The following TTC7A variants were observed in gnomAD, a reference collection of about 807,000 sequenced individuals.
The protein encoded by TTC7A is tetratricopeptide repeat protein 7A.
TTC7A carries 110 observed loss-of-function variants against 103.7 expected under a neutral mutation model. The observed-to-expected ratio is 1.06, with a 90% CI of 0.91 to 1.24. The LOEUF is 1.24. Ranked by LOEUF, TTC7A falls within the 50% of genes most tolerant of loss-of-function variation. TTC7A has a pLI of 0.00. For missense variants in TTC7A, 1,340 were observed against 1,116.3 expected (o/e 1.20, Z -2.86); for synonymous variants, 521 against 467.9 (o/e 1.11, Z -1.47).
intron 11 of TTC7A, among the ~76,000 whole-genome samples, chr2:47,012,228 G>A (rs1037807163): frequency 2.6e-5 from 4 of 152,246 alleles, no homozygotes; most frequent in African/African-American, 4.8e-5. Context: ...TATCTCTTCC[G>A]ACTGGGGGCC....
chr2:47,057,232 C>G (rs868746595), intron 18 of TTC7A, among the ~76,000 whole-genome samples: 4 of 152,236 alleles, frequency 2.6e-5, no homozygotes, highest in Non-Finnish European at 4.4e-5. Flanking sequence ...GAGGCTGGCC[C>G]TGCTGGGCAC....
chr2:46,927,137 T>C (rs13419141), intron 2 of TTC7A, among the ~76,000 whole-genome samples: 1 of 151,994 alleles, frequency 6.6e-6, no homozygotes, highest in Non-Finnish European at 1.5e-5. Flanking sequence ...TTGTATGTAG[T>C]TGGAGTCACA....
chr2:46,995,455 C>G (rs1676085629), intron 8 of TTC7A, among the ~76,000 whole-genome samples: 1 of 152,234 alleles, frequency 6.6e-6, no homozygotes, highest in Admixed American at 6.5e-5. Flanking sequence ...TAAGTCCCCA[C>G]CCACCTCTTT....
chr2:46,977,172 A>C (rs1318278763), intron 4 of TTC7A, among the ~76,000 whole-genome samples: 1 of 152,226 alleles, frequency 6.6e-6, no homozygotes, highest in Non-Finnish European at 1.5e-5. Flanking sequence ...CAAAGGTCTG[A>C]TGATGATGTC....
In TTC7A at chr2:47,029,236, A is replaced by G. The variant is rs777379249; in HGVS notation, c.1654A>G (p.Met552Val). ...GTTCCTTCAACAGATCTCCAGTGCC[A>G]TGGAGCAGCTGCAGGAGGCCCTGAA... ...LALVRQISSAMEQLQEALKVR... is the reference protein window; with the variant it reads ...LALVRQISSAVEQLQEALKVR... The change falls in exon 15 of 20, where the codon ATG becomes GTG. Residue 552 changes from methionine (M) to valine (V), a missense_variant. Transcript: ENST00000319190. The G allele has an allele frequency of 1.1e-5, 17 of 1,613,832 alleles. No homozygotes were observed. In the South Asian group the frequency reaches 1.8e-4, roughly 17 times the overall value.
intron 5 of TTC7A, among the ~76,000 whole-genome samples, chr2:46,993,203 G>A (rs555236242): frequency 4.7e-4 from 71 of 152,338 alleles, no homozygotes; most frequent in African/African-American, 1.6e-3. Flanking sequence ...GTGGTAAACC[G>A]GAAGCCCAAG....
At chr2:47,010,249 A>G (rs959506812) in intron 10 of TTC7A, among the ~76,000 whole-genome samples, 3 of 152,162 alleles carry the variant, frequency 2.0e-5, no homozygotes, top group Non-Finnish European at 1.5e-5. Context: ...GTTTTTTGCA[A>G]CTATTCCACT....
In TTC7A at chr2:47,007,317, G is replaced by A. The variant is rs1254804439; in HGVS notation, c.1287+593G>A. On this transcript the variant is annotated intron_variant, in intron 10 of 19. Coordinates refer to ENST00000319190, the MANE Select transcript of TTC7A (RefSeq NM_020458.4). This position sits in a 1 kb window ranked among gnomAD's most constrained non-coding sequence, Gnocchi z 4.9. ...GTTCACTCTCTATCCACCCAGCTCC[G>A]GTGCCATCACCCCTGCTTTTTGCTC... 2.0e-5 allele frequency among the ~76,000 whole-genome samples: 3 copies of A among 152,036 alleles called. No individual in the cohort carries two copies. The highest frequency in any genetic ancestry group is 7.2e-5 in the African/African-American group (3 of 41,380).
At chr2:46,929,884 A>G (rs1669600525) in intron 2 of TTC7A, among the ~76,000 whole-genome samples, 1 of 152,218 alleles carries the variant, frequency 6.6e-6, no homozygotes, top group Non-Finnish European at 1.5e-5. Context: ...GAATCAACAT[A>G]TGGTTCACCA....
Position 47,074,056 on chromosome 2 carries a change from C to T in TTC7A, c.*133C>T, listed in dbSNP as rs549093097. 1.5e-4 allele frequency: 102 copies of T among 670,382 alleles called. No individual in the cohort carries two copies. In the African/African-American group the frequency reaches 1.7e-3, roughly 11 times the overall value. The allele number at this position is 670,382 out of a possible 1,614,324, so 41.5% of individuals were successfully genotyped here. Reference sequence around the variant, plus strand: ...ACATCTTTAGTGAACGCCTCTGCAGCTGCAGCCCTCGTTCTCTTGGCTGGG... The same window carrying T: ...ACATCTTTAGTGAACGCCTCTGCAGTTGCAGCCCTCGTTCTCTTGGCTGGG... On this transcript the variant is annotated 3_prime_UTR_variant, in exon 20 of 20. Coordinates refer to ENST00000319190, the MANE Select transcript of TTC7A (RefSeq NM_020458.4).
intron 2 of TTC7A, among the ~76,000 whole-genome samples, chr2:46,918,196 C>G (rs780141265): frequency 6.6e-6 from 1 of 152,238 alleles, no homozygotes; most frequent in Non-Finnish European, 1.5e-5. Context: ...GCACCTCTCT[C>G]AGTCTTGTGC....
At chr2:47,058,162 C>T (rs1358290328) in intron 18 of TTC7A, among the ~76,000 whole-genome samples, 1 of 152,214 alleles carries the variant, frequency 6.6e-6, no homozygotes, top group Non-Finnish European at 1.5e-5. Context: ...CCCATTTCCT[C>T]TGCTCTCTGC....
intron 8 of TTC7A, among the ~76,000 whole-genome samples, chr2:47,004,721 C>T (rs968221015): frequency 6.6e-6 from 1 of 151,898 alleles, no homozygotes; most frequent in Non-Finnish European, 1.5e-5. Flanking sequence ...CTGCCCAGAA[C>T]ACAGCTCTGC....
At chr2:46,946,083 G>A (rs953047918) in intron 1 of TTC7A, among the ~76,000 whole-genome samples, 2 of 152,188 alleles carry the variant, frequency 1.3e-5, no homozygotes, top group African/African-American at 2.4e-5. Flanking sequence ...GCCGGGAGGG[G>A]ATGTGAGCTG....
chr2:46,984,863 C>T (rs550910172), intron 5 of TTC7A, among the ~76,000 whole-genome samples: 326 of 152,204 alleles, frequency 2.1e-3, no homozygotes, highest in Non-Finnish European at 3.0e-3. Flanking sequence ...AATTTTGGGG[C>T]GTGGAAGGAC....
chr2:47,017,607 G>T lies in TTC7A; in HGVS notation c.1393-4255G>T, dbSNP rs146467134. On this transcript the variant is annotated intron_variant, in intron 11 of 19. Transcript: ENST00000319190. The stretch of plus-strand genomic sequence containing the variant: ...AGAATAAGATAGGAAATACTCCAGT[G>T]TATTACCCACAGTGGGGTGAGTGGA... Among the ~76,000 whole-genome samples, 925 of 152,338 alleles carry T rather than the reference G, an allele frequency of 6.1e-3. 6 individuals carry two copies. The highest frequency in any genetic ancestry group is 0.021 in the African/African-American group (884 of 41,578).
intron 8 of TTC7A, among the ~76,000 whole-genome samples, chr2:46,999,038 A>G (rs1676512915): frequency 6.6e-6 from 1 of 152,140 alleles, no homozygotes. Context: ...TCATATATCG[A>G]TCACCGACCC....
intron 15 of TTC7A, among the ~76,000 whole-genome samples, chr2:47,041,396 C>G (rs940774832): frequency 6.6e-6 from 1 of 152,174 alleles, no homozygotes; most frequent in Non-Finnish European, 1.5e-5. Context: ...ACAAGATAAA[C>G]GGTGGTTTCA....
In TTC7A at chr2:47,043,935, A is replaced by G. The variant is rs572928482; in HGVS notation, c.1803-2380A>G. Among the ~76,000 whole-genome samples the G allele has an allele frequency of 8.5e-5, 13 of 152,278 alleles. No individual in the cohort carries two copies. The East Asian group carries it at 1.9e-3, about 23-fold the overall frequency. On this transcript the variant is annotated intron_variant, in intron 15 of 19. Transcript: ENST00000319190. ...CCTAGACCCATTCCGGCCCTCAAAG[A>G]TGAAGAAAATGAGAAGGGGGCTCTG...
Sources: allele counts gnomAD v4.1 joint callset (sites outside exome capture counted in the v4.1 genomes callset), GRCh38; gene constraint gnomAD v4.1.1; non-coding constraint Gnocchi (gnomAD v3.1); transcripts MANE v1.5; gene names NCBI Gene and HGNC (gene_info 2026-07-23, HGNC 2026-07-21).